Variants in UGGT1 observed in about 807,000 individuals in gnomAD.
UGGT1 encodes UDP-glucose:glycoprotein glucosyltransferase 1.
In UGGT1, 107 loss-of-function variants were observed where a neutral mutation model predicts 203.9. The ratio of observed to expected loss-of-function variants is 0.52; its 90% CI spans 0.45 to 0.62. The LOEUF is 0.62. UGGT1 is among the 20% of genes least tolerant of loss of function. UGGT1 has a pLI of 0.00. For missense variants in UGGT1, 1,673 were observed against 1,867.2 expected (o/e 0.90, Z 1.92); for synonymous variants, 628 against 653.5 (o/e 0.96, Z 0.59).
intron 9 of UGGT1, 151 bp from the exon 10 acceptor site, chr2:128,121,048 T>C: frequency 1.4e-6 from 1 of 729,678 alleles, no homozygotes; most frequent in South Asian, 1.8e-5. Context: ...GAATAAAACC[T>C]GAAATTAAAT....
chr2:128,150,113 T>C (rs1689877637), intron 18 of UGGT1, among the ~76,000 whole-genome samples: 1 of 152,162 alleles, frequency 6.6e-6, no homozygotes, highest in South Asian at 2.1e-4. Context: ...TACCAAGTAC[T>C]GGAAAATTTG....
chr2:128,187,327 A>G, intron 39 of UGGT1, 122 bp from the exon 40 acceptor site: 3 of 1,052,334 alleles, frequency 2.9e-6, no homozygotes, highest in South Asian at 3.7e-5. Flanking sequence ...CTGGTAGTAT[A>G]TCATTTGGTT....
rs754822441 is a variant in UGGT1, at chr2:128,143,092, A to G, written c.1720-2A>G. 2 of 1,584,758 alleles carry G rather than the reference A, an allele frequency of 1.3e-6. No homozygotes were observed. The highest frequency in any genetic ancestry group is 1.2e-5 in the South Asian group (1 of 84,818). On this transcript the variant is annotated splice_acceptor_variant, in intron 16 of 40. Transcript: ENST00000259253. LOFTEE classifies it high-confidence loss of function. ...TTAACCAACTGTTTTTTCTTTCTTC[A>G]GATCTATAACAAGGTGAGGACTGGA... is the stretch of plus-strand genomic sequence containing the variant.
chr2:128,164,854 A>T, intron 26 of UGGT1, 29 bp downstream of exon 26: 1 of 1,515,904 alleles, frequency 6.6e-7, no homozygotes, highest in Non-Finnish European at 8.9e-7. Flanking sequence ...ATTTGTGCAT[A>T]TTCTTGAATA....
At chr2:128,168,259 A>G (rs1324186894) in intron 26 of UGGT1, among the ~76,000 whole-genome samples, 2 of 152,170 alleles carry the variant, frequency 1.3e-5, no homozygotes, top group African/African-American at 4.8e-5. Flanking sequence ...ACACTTTGAG[A>G]ACAGTTGTAT....
chr2:128,177,814 T>C lies in UGGT1; in HGVS notation c.3625-18T>C, dbSNP rs1448430863. On this transcript the variant is annotated intron_variant, in intron 32 of 40. Transcript: ENST00000259253. ...TGTGAGACATACTGGGAGTAAGGTT[T>C]ATCACATTTGATTGCAGGTTCAGAA... 1 of 1,592,096 alleles carries C rather than the reference T, an allele frequency of 6.3e-7. No individual in the cohort carries two copies. Among genetic ancestry groups the C allele is most frequent in the South Asian group, 1.1e-5 (1 of 87,564 alleles).
At chr2:128,117,213 C>T (rs2105379033) in intron 8 of UGGT1, among the ~76,000 whole-genome samples, 1 of 152,188 alleles carries the variant, frequency 6.6e-6, no homozygotes, top group Non-Finnish European at 1.5e-5. Flanking sequence ...CCTCAGCCCC[C>T]TGAGTAGCTA....
intron 34 of UGGT1, among the ~76,000 whole-genome samples, 159 bp from the exon 35 acceptor site, chr2:128,179,627 T>G (rs1284401760): frequency 6.6e-6 from 1 of 152,228 alleles, no homozygotes; most frequent in African/African-American, 2.4e-5. Flanking sequence ...GTAAGTACAA[T>G]TTTTCATTTT....
In UGGT1 at chr2:128,091,613, G is replaced by A. The variant is rs938561410; in HGVS notation, c.58+198G>A. On this transcript the variant is annotated intron_variant, in intron 1 of 40. Coordinates refer to ENST00000259253, the MANE Select transcript of UGGT1 (RefSeq NM_020120.4). ...CTTGGCAAGGTATCGCTTCCGCGGG[G>A]GTGGCGGCGGGCTCTGTTCAGCGGT... 5 of 1,433,630 alleles carry A rather than the reference G, an allele frequency of 3.5e-6. No homozygotes were observed. In the Admixed American group the frequency reaches 1.2e-4, roughly 34 times the overall value. 88.8% of individuals were successfully genotyped at this position (1,433,630 alleles called of 1,614,324 possible).
rs1692349799 is a variant in UGGT1, at chr2:128,193,166, A to C, written c.*3424A>C. 2.0e-5 allele frequency: 2 copies of C among 100,126 alleles called. No individual in the cohort carries two copies. Among genetic ancestry groups the C allele is most frequent in the Admixed American group, 1.2e-4 (1 of 8,602 alleles). 6.2% of individuals were successfully genotyped at this position (100,126 alleles called of 1,614,324 possible). A position where few individuals can be genotyped will look rare whatever the true frequency, so the allele number is the denominator to read the frequency against. ...CACTCCAGCCTGGCAATAGAGCGAGACTCCGTCTCAAAAAAAAAAAAAAAA... is the reference window on the plus strand; with the variant it reads ...CACTCCAGCCTGGCAATAGAGCGAGCCTCCGTCTCAAAAAAAAAAAAAAAA... On this transcript the variant is annotated 3_prime_UTR_variant, in exon 41 of 41. Transcript: ENST00000259253.
chr2:128,100,027 CCCA>C lies in UGGT1; in HGVS notation c.194+2466_194+2468del, dbSNP rs1293946340. 1.1e-4 allele frequency among the ~76,000 whole-genome samples: 6 copies of C among 53,080 alleles called. No homozygotes were observed. The Admixed American group carries it at 1.6e-3, about 14-fold the overall frequency. The allele number at this position is 53,080 out of a possible 152,430, so 34.8% of individuals were successfully genotyped here. ...GTCATTGAGATTTACAACCCCCCCC[CCCA>C]CCCTACTTATTTTTTTTGAGACAGA... On this transcript the variant is annotated intron_variant, in intron 2 of 40. Transcript: ENST00000259253.
chr2:128,146,292 T>C (rs1266832990), intron 18 of UGGT1, among the ~76,000 whole-genome samples: 3 of 152,046 alleles, frequency 2.0e-5, no homozygotes, highest in African/African-American at 7.2e-5. Flanking sequence ...GCCTGGGTGA[T>C]GGAGTGAGAC....
chr2:128,119,635 A>G (rs573909149), intron 8 of UGGT1, among the ~76,000 whole-genome samples: 1 of 152,336 alleles, frequency 6.6e-6, no homozygotes, highest in Non-Finnish European at 1.5e-5. Flanking sequence ...ATTTATGAGC[A>G]TGTAGGCTAA....
intron 15 of UGGT1, among the ~76,000 whole-genome samples, chr2:128,137,626 C>T (rs149902555): frequency 7.2e-5 from 11 of 152,280 alleles, no homozygotes; most frequent in East Asian, 3.9e-4. Flanking sequence ...TTGCCAAGCT[C>T]GAGACCACCT....
chr2:128,174,613 T>C (rs1436921980), intron 30 of UGGT1, among the ~76,000 whole-genome samples, 160 bp from the exon 31 acceptor site: 2 of 152,232 alleles, frequency 1.3e-5, no homozygotes, highest in Non-Finnish European at 2.9e-5. Context: ...TGCTAGAGTT[T>C]TTAATGTGTA....
At position 128,186,665 on chromosome 2, in the gene UGGT1, T is replaced by C. The variant is rs1382550709; in HGVS notation, c.4360-18T>C. On this transcript the variant is annotated intron_variant, in intron 38 of 40. Coordinates refer to ENST00000259253, the MANE Select transcript of UGGT1 (RefSeq NM_020120.4). ...TTAGATACATGTATTTTATTTTTAT[T>C]TTTTTTTAACCAAACAGGATCTGCC... is the stretch of plus-strand genomic sequence containing the variant. 6.4e-7 allele frequency: 1 copy of C among 1,568,310 alleles called. No individual in the cohort carries two copies. The highest frequency in any genetic ancestry group is 1.8e-5 in the Admixed American group (1 of 55,044).
intron 15 of UGGT1, among the ~76,000 whole-genome samples, chr2:128,137,890 T>A (rs942618499): frequency 2.6e-5 from 4 of 152,254 alleles, no homozygotes. Context: ...ATAGTATCTC[T>A]GTGGTTAATT....
Position 128,097,575 on chromosome 2 carries a change from AT to A in UGGT1, c.194+19del, listed in dbSNP as rs768120965. ...GTTGTTAGAAGCCAGGTAAGAGAACATTTTTTTTCCCTTCGTGTATTTGAGT... is the reference window on the plus strand; with the variant it reads ...GTTGTTAGAAGCCAGGTAAGAGAACATTTTTTTCCCTTCGTGTATTTGAGT... On this transcript the variant is annotated intron_variant, in intron 2 of 40. Transcript: ENST00000259253. 2.5e-6 allele frequency: 4 copies of A among 1,612,632 alleles called. No homozygotes were observed. The highest frequency in any genetic ancestry group is 2.5e-6 in the Non-Finnish European group (3 of 1,179,550).
At chr2:128,188,953 C>T (rs951274994) in intron 40 of UGGT1, among the ~76,000 whole-genome samples, 1 of 152,126 alleles carries the variant, frequency 6.6e-6, no homozygotes, top group African/African-American at 2.4e-5. Flanking sequence ...TCAGTAAAAC[C>T]CTGAGGATTT....
Sources: gnomAD v4.1 joint callset for allele counts (sites outside exome capture counted in the v4.1 genomes callset) on GRCh38, gnomAD v4.1.1 for gene constraint, MANE v1.5 for transcripts, NCBI Gene and HGNC (gene_info 2026-07-23, HGNC 2026-07-21) for gene names.